Variants in OSBPL5 observed in about 807,000 individuals in gnomAD.
The protein encoded by OSBPL5 is oxysterol-binding protein-related protein 5.
In OSBPL5, 71 loss-of-function variants were observed where a neutral mutation model predicts 111.2. The ratio of observed to expected loss-of-function variants is 0.64; its 90% CI spans 0.53 to 0.78. OSBPL5 has a LOEUF of 0.78. Ranked by LOEUF, OSBPL5 falls within the 30% of genes least tolerant of loss-of-function variation. The probability of loss-of-function intolerance (pLI) is 0.00; values close to 1 mark genes in which losing one functional copy is unlikely to be tolerated. For synonymous variants in OSBPL5, 549 were observed against 513.9 expected (o/e 1.07, Z -0.93); for missense variants, 1,210 against 1,189.3 (o/e 1.02, Z -0.26).
chr11:3,100,377 G>T, intron 13 of OSBPL5, 121 bp from the exon 14 acceptor site: 1 of 798,064 alleles, frequency 1.3e-6, no homozygotes, highest in Non-Finnish European at 2.1e-6. Context: ...GGCACTTCCA[G>T]TGGTGTGTCT....
chr11:3,131,343 A>G, intron 1 of OSBPL5, among the ~76,000 whole-genome samples: 1 of 149,238 alleles, frequency 6.7e-6, no homozygotes. Flanking sequence ...TCTCCCTTCC[A>G]GGCATCCATC....
At position 3,135,350 on chromosome 11, in the gene OSBPL5, G is replaced by C. The variant is rs556676745; in HGVS notation, c.-21-6181C>G. Among the ~76,000 whole-genome samples, 360 of 152,372 alleles carry C rather than the reference G, an allele frequency of 2.4e-3. 2 individuals are homozygous for C. The highest frequency in any genetic ancestry group is 8.3e-3 in the African/African-American group (346 of 41,580). ...CTCTAGAATGAATTCGCTCATGGCT[G>C]GAAGGGGGCTTGAGAGACGCTGGAG... is the stretch of plus-strand genomic sequence containing the variant. On this transcript the variant is annotated intron_variant, in intron 1 of 21. Transcript: ENST00000263650.
Position 3,113,492 on chromosome 11 carries a change from T to C in OSBPL5, c.692-5547A>G, listed in dbSNP as rs1197734810. ...CAACATAGTGAAACCCCATCTCTAC[T>C]AAAAATACAAAAATTAGCCAGGTGT... On this transcript the variant is annotated intron_variant, in intron 7 of 21. Coordinates refer to ENST00000263650, the MANE Select transcript of OSBPL5 (RefSeq NM_020896.4). The surrounding 1 kb of genome is among the most constrained non-coding windows in gnomAD (Gnocchi z 4.8). Among the ~76,000 whole-genome samples, 2 of 152,000 alleles carry C rather than the reference T, an allele frequency of 1.3e-5. No individual in the cohort carries two copies. The highest frequency in any genetic ancestry group is 2.9e-5 in the Non-Finnish European group (2 of 68,006).
In OSBPL5 at chr11:3,120,616, G is replaced by A. The variant is rs550294266; in HGVS notation, c.411C>T (p.Gly137=). Reference sequence around the variant, plus strand: ...ACAGCTTGGTCCAGCTCTTCAGGGTGCCGCGGATCTGCAGGGAGGATGCTG... The same window carrying A: ...ACAGCTTGGTCCAGCTCTTCAGGGTACCGCGGATCTGCAGGGAGGATGCTG... ...VIMADSLKIR[G]TLKSWTKLWC... Residue 137 remains glycine (G), a synonymous_variant, in exon 6 of 22, where the codon GGC becomes GGT. Coordinates refer to ENST00000263650, the MANE Select transcript of OSBPL5 (RefSeq NM_020896.4). 26 of 1,612,532 alleles carry A rather than the reference G, an allele frequency of 1.6e-5. No homozygotes were observed. Among genetic ancestry groups the A allele is most frequent in the Non-Finnish European group, 2.1e-5 (25 of 1,179,910 alleles).
chr11:3,088,330 T>C lies in OSBPL5; in HGVS notation c.2515A>G (p.Met839Val), dbSNP rs376075340. 63 of 1,584,000 alleles carry C rather than the reference T, an allele frequency of 4.0e-5. No homozygotes were observed. The highest frequency in any genetic ancestry group is 5.1e-5 in the Non-Finnish European group (59 of 1,167,786). Residue 839 changes from methionine (M) to valine (V), a missense_variant, in exon 22 of 22, where the codon ATG becomes GTG. Transcript: ENST00000263650. ...GCTGCCCGTGCCGTGGAGCTCAGCA[T>C]GGCCGAGAGGTGCCTGCAAGGACAG... ...QQELHRHLSA[M>V]LSSTARAAQA...
chr11:3,103,795 C>CCGCCCCCTTCCAGT (rs1857571254), intron 10 of OSBPL5, among the ~76,000 whole-genome samples: 1 of 40,760 alleles, frequency 2.5e-5, no homozygotes, highest in Non-Finnish European at 7.3e-5. Flanking sequence ...TCCCTTCCTG[C>CCGCCCCCTTCCAGT]CTCTGCAGCC....
chr11:3,122,234 G>T, intron 4 of OSBPL5, 114 bp downstream of exon 4: 1 of 1,342,716 alleles, frequency 7.4e-7, no homozygotes, highest in South Asian at 1.3e-5. Context: ...GTGTGGAGGC[G>T]ACCAGGTGCG....
chr11:3,152,638 C>T (rs1305997355), intron 1 of OSBPL5, among the ~76,000 whole-genome samples: 1 of 152,146 alleles, frequency 6.6e-6, no homozygotes, highest in Non-Finnish European at 1.5e-5. Context: ...AGGCACGCAG[C>T]GCCCCTAAGC....
intron 1 of OSBPL5, among the ~76,000 whole-genome samples, chr11:3,159,243 ACT>A (rs1292920458): frequency 6.6e-6 from 1 of 151,618 alleles, no homozygotes; most frequent in Non-Finnish European, 1.5e-5. Flanking sequence ...AAGAGGTAGA[ACT>A]CTCAGGTGTC....
chr11:3,107,886 C>A lies in OSBPL5; in HGVS notation c.751G>T (p.Gly251Cys), dbSNP rs754576662. The change falls in exon 8 of 22, where the codon GGC becomes TGC. Residue 251 changes from glycine (G) to cysteine (C), a missense_variant. By Grantham distance (159) the Gly-to-Cys change is radical. Transcript: ENST00000263650. The surrounding 1 kb of genome is among the most constrained non-coding windows in gnomAD (Gnocchi z 6.1). ...ALRCSSLLRLGTCKPGRDGEP... is the reference protein window; with the variant it reads ...ALRCSSLLRLCTCKPGRDGEP... ...CCGTCTCGGCCCGGCTTGCAGGTGC[C>A]CAGTCTCAGTAGGCTAGAGCAGCGC... 1 of 1,606,220 alleles carries A rather than the reference C, an allele frequency of 6.2e-7. No individual in the cohort carries two copies. The highest frequency in any genetic ancestry group is 1.1e-5 in the South Asian group (1 of 91,072).
At chr11:3,098,445 A>T (rs987669971) in intron 14 of OSBPL5, among the ~76,000 whole-genome samples, 3 of 150,818 alleles carry the variant, frequency 2.0e-5, no homozygotes, top group African/African-American at 7.3e-5. Flanking sequence ...TCAATCAGCA[A>T]AAATTAAAAA....
In OSBPL5 at chr11:3,114,591, A is replaced by ATT. The variant is rs59645003; in HGVS notation, c.691+4954_691+4955dup. On this transcript the variant is annotated intron_variant, in intron 7 of 21. Coordinates refer to ENST00000263650, the MANE Select transcript of OSBPL5 (RefSeq NM_020896.4). The stretch of plus-strand genomic sequence containing the variant: ...GACTAAAGAATTGGTTAGAACAATG[A>ATT]TTTTTTTTTTTTTTTTTTTTTTTTT... Among the ~76,000 whole-genome samples the ATT allele has an allele frequency of 1.7e-4, 19 of 113,898 alleles. 2 individuals carry two copies. Among genetic ancestry groups the ATT allele is most frequent in the African/African-American group, 2.1e-4 (6 of 28,412 alleles). 74.7% of individuals were successfully genotyped at this position (113,898 alleles called of 152,430 possible).
intron 7 of OSBPL5, among the ~76,000 whole-genome samples, chr11:3,111,041 G>C (rs1431237818): frequency 1.3e-5 from 2 of 152,032 alleles, no homozygotes; most frequent in African/African-American, 4.8e-5. Flanking sequence ...AGATGCCCCT[G>C]ACTTTTCACA....
chr11:3,120,070 C>G, intron 6 of OSBPL5: 1 of 447,208 alleles, frequency 2.2e-6, no homozygotes, highest in South Asian at 2.9e-5. Flanking sequence ...CTCTGGTTTC[C>G]CACCCGTTAG....
In OSBPL5 at chr11:3,105,429, G is replaced by A. The variant is rs1857659610; in HGVS notation, c.1060-1052C>T. Among the ~76,000 whole-genome samples the A allele has an allele frequency of 6.6e-6, 1 of 152,162 alleles. No individual in the cohort carries two copies. Among genetic ancestry groups the A allele is most frequent in the Non-Finnish European group, 1.5e-5 (1 of 68,016 alleles). On this transcript the variant is annotated intron_variant, in intron 9 of 21. Coordinates refer to ENST00000263650, the MANE Select transcript of OSBPL5 (RefSeq NM_020896.4). The surrounding 1 kb of genome is among the most constrained non-coding windows in gnomAD (Gnocchi z 5.2). ...CAGGAGCCATGTCTGACCCCATGAG[G>A]GGTCATGGGGAGCCCAGTGCTGTAG...
rs563156666 is a variant in OSBPL5 at position 3,089,409 on chromosome 11, G to C, written c.2501+437C>G. Among the ~76,000 whole-genome samples, 7 of 152,296 alleles carry C rather than the reference G, an allele frequency of 4.6e-5. No individual in the cohort carries two copies. The South Asian group carries it at 1.0e-3, about 23-fold the overall frequency. On this transcript the variant is annotated intron_variant, in intron 21 of 21. Coordinates refer to ENST00000263650, the MANE Select transcript of OSBPL5 (RefSeq NM_020896.4). ...AGGGGCCATGTGGCCCTGGTGGCCT[G>C]CACCTGCCAGCTCTCGGCCACTCCC...
At position 3,141,179 on chromosome 11, in the gene OSBPL5, C is replaced by T. The variant is rs1203508001; in HGVS notation, c.-21-12010G>A. The stretch of plus-strand genomic sequence containing the variant: ...CTGATGCTGACAGCCACCCAGGCTT[C>T]CCCCCGCCCAGCAGACAGTATCGTC... On this transcript the variant is annotated intron_variant, in intron 1 of 21. Transcript: ENST00000263650. This position sits in a 1 kb window ranked among gnomAD's most constrained non-coding sequence, Gnocchi z 6.5. Among the ~76,000 whole-genome samples, 2 of 152,164 alleles carry T rather than the reference C, an allele frequency of 1.3e-5. No individual in the cohort carries two copies. Among genetic ancestry groups the T allele is most frequent in the Non-Finnish European group, 2.9e-5 (2 of 68,024 alleles).
At position 3,104,813 on chromosome 11, in the gene OSBPL5, T is replaced by C. The variant is rs986044288; in HGVS notation, c.1060-436A>G. On this transcript the variant is annotated intron_variant, in intron 9 of 21. Coordinates refer to ENST00000263650, the MANE Select transcript of OSBPL5 (RefSeq NM_020896.4). The surrounding 1 kb of genome is among the most constrained non-coding windows in gnomAD (Gnocchi z 5.0). ...TGCTCTTCCATTTTTTAAAAAAGGT[T>C]ATTGTAACATTTCTTTTTCTGTTTT... Among the ~76,000 whole-genome samples, 1 of 152,184 alleles carries C rather than the reference T, an allele frequency of 6.6e-6. No individual in the cohort carries two copies. Among genetic ancestry groups the C allele is most frequent in the Non-Finnish European group, 1.5e-5 (1 of 68,018 alleles).
At chr11:3,160,543 C>T (rs1046249210) in intron 1 of OSBPL5, among the ~76,000 whole-genome samples, 1 of 152,222 alleles carries the variant, frequency 6.6e-6, no homozygotes, top group African/African-American at 2.4e-5. Flanking sequence ...CTGTCTTATT[C>T]GCCGCAATAG....
Sources: allele counts gnomAD v4.1 joint callset (sites outside exome capture counted in the v4.1 genomes callset), GRCh38; gene constraint gnomAD v4.1.1; non-coding constraint Gnocchi (gnomAD v3.1); transcripts MANE v1.5; gene names NCBI Gene and HGNC (gene_info 2026-07-23, HGNC 2026-07-21).